The following ATXN1 variants were observed in gnomAD, a reference collection of about 807,000 sequenced individuals.
ATXN1 encodes the protein ataxin-1.
ATXN1 carries 8 observed loss-of-function variants against 56.4 expected under a neutral mutation model. That is an observed-to-expected ratio of 0.14 (90% CI 0.08 to 0.26). The LOEUF is 0.26. Among genes scored for constraint, ATXN1 ranks in the 10% least tolerant of loss-of-function variants. The pLI, the probability that ATXN1 is intolerant of heterozygous loss-of-function variation, is 1.00. For missense variants in ATXN1, 987 were observed against 1,106.5 expected, an observed-to-expected ratio of 0.89 and a Z score of 1.53; for synonymous variants, 514 against 494.6, an observed-to-expected ratio of 1.04 and a Z score of -0.52.
rs1457934261 is a variant in ATXN1, at chr6:16,302,792, C to G, written c.*3537G>C. On this transcript the variant is annotated 3_prime_UTR_variant, in exon 8 of 8. Coordinates refer to ENST00000436367, the MANE Select transcript of ATXN1 (RefSeq NM_001128164.2). ...GAAAGAAAGAACAAAAGACGGCTGT[C>G]GGTAAATATTGCAAAGTGGACATAG... 1 of 152,578 alleles carries G rather than the reference C, an allele frequency of 6.6e-6. No individual in the cohort carries two copies. The highest frequency in any genetic ancestry group is 6.5e-5 in the Admixed American group (1 of 15,272). The allele number at this position is 152,578 out of a possible 1,614,324, so 9.5% of individuals were successfully genotyped here.
chr6:16,688,238 C>A (rs1758960460), intron 2 of ATXN1, among the ~76,000 whole-genome samples: 1 of 152,174 alleles, frequency 6.6e-6, no homozygotes, highest in African/African-American at 2.4e-5. Context: ...TACTTAAAAA[C>A]CTTCCTGCTA....
At chr6:16,361,520 A>AGC (rs1242750255) in intron 6 of ATXN1, among the ~76,000 whole-genome samples, 22 of 152,218 alleles carry the variant, frequency 1.4e-4, no homozygotes, top group Non-Finnish European at 3.1e-4. Flanking sequence ...GTGTTTTGGG[A>AGC]ATAAATGTAG....
chr6:16,615,881 A>C (rs1207886250), intron 3 of ATXN1: 1 of 151,738 alleles, frequency 6.6e-6, no homozygotes, highest in Non-Finnish European at 1.5e-5. Context: ...AAAAATACAA[A>C]AATTAGCCAG....
At chr6:16,430,869 A>C (rs1759268917) in intron 6 of ATXN1, among the ~76,000 whole-genome samples, 1 of 152,164 alleles carries the variant, frequency 6.6e-6, no homozygotes, top group Admixed American at 6.6e-5. Flanking sequence ...GTGTTTGCTG[A>C]GATAACACAT....
chr6:16,584,607 A>G (rs986094561), intron 4 of ATXN1, among the ~76,000 whole-genome samples: 2 of 152,018 alleles, frequency 1.3e-5, no homozygotes, highest in African/African-American at 2.4e-5. Flanking sequence ...TCTACAAAAC[A>G]GTACAATTTA....
intron 3 of ATXN1, among the ~76,000 whole-genome samples, chr6:16,606,638 C>T (rs1266123828): frequency 6.6e-6 from 1 of 151,700 alleles, no homozygotes; most frequent in East Asian, 1.9e-4. Context: ...AAGTGATTCT[C>T]CTGCCTCAGC....
intron 6 of ATXN1, among the ~76,000 whole-genome samples, chr6:16,390,074 C>A (rs1162087323): frequency 6.6e-6 from 1 of 152,184 alleles, no homozygotes; most frequent in Admixed American, 6.5e-5. Context: ...TTCAAGGTGA[C>A]ATAAAAAGTA....
At chr6:16,484,776 C>A (rs1240809746) in intron 6 of ATXN1, among the ~76,000 whole-genome samples, 1 of 152,090 alleles carries the variant, frequency 6.6e-6, no homozygotes, top group Non-Finnish European at 1.5e-5. Flanking sequence ...GTTTAGAAAT[C>A]TATGAAACCA....
At chr6:16,598,085 T>C (rs1762846308) in intron 3 of ATXN1, among the ~76,000 whole-genome samples, 1 of 152,214 alleles carries the variant, frequency 6.6e-6, no homozygotes. Context: ...GTATGCATTA[T>C]AAAAACATCA....
chr6:16,319,527 T>C (rs1361315292), intron 7 of ATXN1, among the ~76,000 whole-genome samples: 3 of 152,208 alleles, frequency 2.0e-5, no homozygotes, highest in African/African-American at 7.2e-5. Flanking sequence ...GCTGGATACA[T>C]GACATCATAA....
chr6:16,301,083 TGC>T lies in ATXN1; in HGVS notation c.*5244_*5245del, dbSNP rs1760081126. On this transcript the variant is annotated 3_prime_UTR_variant, in exon 8 of 8. Transcript: ENST00000436367. ...AAACATGTAACTTTCAACCCTTCTCTGCTTTTTTTTTTTTACAAACAAAGTAT... is the reference window on the plus strand; with the variant it reads ...AAACATGTAACTTTCAACCCTTCTCTTTTTTTTTTTTTACAAACAAAGTAT... 1 of 116,584 alleles carries T rather than the reference TGC, an allele frequency of 8.6e-6. No individual in the cohort carries two copies. Among genetic ancestry groups the T allele is most frequent in the Non-Finnish European group, 1.7e-5 (1 of 59,060 alleles). The allele number at this position is 116,584 out of a possible 1,614,324, so 7.2% of individuals were successfully genotyped here.
At chr6:16,384,740 T>C (rs1168150901) in intron 6 of ATXN1, among the ~76,000 whole-genome samples, 1 of 152,216 alleles carries the variant, frequency 6.6e-6, no homozygotes, top group Non-Finnish European at 1.5e-5. Flanking sequence ...TCCAGCCACG[T>C]AGGACGTGCT....
chr6:16,327,921 A>G lies in ATXN1; in HGVS notation c.390T>C (p.Ile130=), dbSNP rs778010945. 16 of 1,610,496 alleles carry G rather than the reference A, an allele frequency of 9.9e-6. No homozygotes were observed. The highest frequency in any genetic ancestry group is 1.3e-5 in the Non-Finnish European group (15 of 1,179,908). The stretch of plus-strand genomic sequence containing the variant: ...AGGTTCCACTGTATTGGGAGGACCC[A>G]ATGAACTGGAAGGTGTGCGGCAGGT... The part of the protein sequence containing the change: ...YAHLPHTFQF[I]GSSQYSGTYA... Residue 130 remains isoleucine, a synonymous_variant, in exon 7 of 8, where the codon ATT becomes ATC. Coordinates refer to ENST00000436367, the MANE Select transcript of ATXN1 (RefSeq NM_001128164.2).
intron 2 of ATXN1, among the ~76,000 whole-genome samples, chr6:16,688,463 G>T (rs754320808): frequency 6.6e-5 from 10 of 152,192 alleles, no homozygotes; most frequent in Non-Finnish European, 1.0e-4. Context: ...CCCTAGTTGA[G>T]GGTCTCTACC....
chr6:16,336,677 C>T (rs1403643568), intron 6 of ATXN1, among the ~76,000 whole-genome samples: 2 of 152,204 alleles, frequency 1.3e-5, no homozygotes. Flanking sequence ...TGCAACCTGG[C>T]ACAGGCTCCC....
At chr6:16,475,060 T>G (rs1299129687) in intron 6 of ATXN1, among the ~76,000 whole-genome samples, 6 of 152,146 alleles carry the variant, frequency 3.9e-5, no homozygotes, top group Non-Finnish European at 8.8e-5. Context: ...ATCAACAGCC[T>G]TTGGGAATCT....
At chr6:16,709,447 A>ACTTGG (rs1759478595) in intron 2 of ATXN1, among the ~76,000 whole-genome samples, 4 of 152,188 alleles carry the variant, frequency 2.6e-5, no homozygotes, top group Admixed American at 2.6e-4. Context: ...CAATGATGAT[A>ACTTGG]CAACTGTTCT....
chr6:16,470,149 T>C (rs886867405), intron 6 of ATXN1, among the ~76,000 whole-genome samples: 6 of 152,064 alleles, frequency 3.9e-5, no homozygotes, highest in Non-Finnish European at 5.9e-5. Flanking sequence ...TTATTCAGTC[T>C]AAAAAGGAAG....
rs1760899133 is a variant in ATXN1 at position 16,328,346 on chromosome 6, T to C, written c.-36A>G. 1.3e-6 allele frequency: 2 copies of C among 1,484,126 alleles called. No individual in the cohort carries two copies. Among genetic ancestry groups the C allele is most frequent in the Non-Finnish European group, 1.8e-6 (2 of 1,123,306 alleles). The allele number at this position is 1,484,126 out of a possible 1,614,324, so 91.9% of individuals were successfully genotyped here. A position where few individuals can be genotyped will look rare whatever the true frequency, so the allele number is the denominator to read the frequency against. ...CCCCCCTCCACGGTGACTGTTTCAC[T>C]GTCTGGATGGCTCTGATTTTAGTCT... On this transcript the variant is annotated 5_prime_UTR_variant, in exon 7 of 8. Transcript: ENST00000436367. This position sits in a 1 kb window ranked among gnomAD's most constrained non-coding sequence, Gnocchi z 6.2.
Sources: gnomAD v4.1 joint callset for allele counts (sites outside exome capture counted in the v4.1 genomes callset) on GRCh38, gnomAD v4.1.1 for gene constraint, Gnocchi (gnomAD v3.1) non-coding constraint, MANE v1.5 for transcripts, NCBI Gene and HGNC (gene_info 2026-07-23, HGNC 2026-07-21) for gene names.